NEGR1: variants seen among roughly 807,000 people sequenced by gnomAD.
The protein encoded by NEGR1 is neuronal growth regulator 1.
Under a neutral mutation model 40.9 loss-of-function variants are expected in NEGR1, and 10 were observed. That is an observed-to-expected ratio of 0.24 (90% CI 0.15 to 0.42). The LOEUF is 0.42. Among genes scored for constraint, NEGR1 ranks in the 10% least tolerant of loss-of-function variants. NEGR1 has a pLI of 1.00. For synonymous variants in NEGR1, 185 were observed against 166.8 expected (o/e 1.11, Z -0.84); for missense variants, 352 against 438.9 (o/e 0.80, Z 1.77).
intron 1 of NEGR1, among the ~76,000 whole-genome samples, chr1:72,105,181 T>C (rs1337984349): frequency 6.6e-6 from 1 of 152,148 alleles, no homozygotes; most frequent in African/African-American, 2.4e-5. Context: ...GCCAGAATCA[T>C]CTTTCTAAAA....
intron 3 of NEGR1, among the ~76,000 whole-genome samples, chr1:71,743,375 TA>T (rs1655277521): frequency 6.6e-6 from 1 of 151,754 alleles, no homozygotes; most frequent in African/African-American, 2.4e-5. Context: ...GGAAGATTTT[TA>T]TTTGGATAGC....
chr1:71,946,505 A>G (rs1646020225), intron 1 of NEGR1, among the ~76,000 whole-genome samples: 1 of 151,140 alleles, frequency 6.6e-6, no homozygotes, highest in African/African-American at 2.5e-5. Context: ...AATCGAATTA[A>G]GAGTGATGTG....
At chr1:71,503,205 A>G (rs1398232660) in intron 6 of NEGR1, among the ~76,000 whole-genome samples, 2 of 152,152 alleles carry the variant, frequency 1.3e-5, no homozygotes, top group African/African-American at 4.8e-5. Context: ...TTTTGGCCTA[A>G]GTTTGGCTCA....
chr1:71,534,672 G>A (rs1321369080), intron 6 of NEGR1, among the ~76,000 whole-genome samples: 1 of 151,646 alleles, frequency 6.6e-6, no homozygotes, highest in Non-Finnish European at 1.5e-5. Context: ...AACGATGTGA[G>A]AATTATTCCA....
intron 3 of NEGR1, among the ~76,000 whole-genome samples, chr1:71,744,659 GTA>G (rs1480966518): frequency 6.6e-6 from 1 of 152,004 alleles, no homozygotes; most frequent in Non-Finnish European, 1.5e-5. Flanking sequence ...ATGCATACAG[GTA>G]TGTAGACACC....
At chr1:72,240,787 C>A (rs947268119) in intron 1 of NEGR1, among the ~76,000 whole-genome samples, 1 of 151,838 alleles carries the variant, frequency 6.6e-6, no homozygotes, top group Non-Finnish European at 1.5e-5. Context: ...CCAGAGAGTT[C>A]TTTTCCAACA....
In NEGR1 at chr1:72,173,821, T is replaced by G. The variant is rs971583816; in HGVS notation, c.176+108498A>C. On this transcript the variant is annotated intron_variant, in intron 1 of 6. Transcript: ENST00000357731. ...AGCTGGACGTGGTGGCAGGCACCTG[T>G]CATCCCAGCTACTCAGGAGGTTGAG... 1.3e-5 allele frequency among the ~76,000 whole-genome samples: 2 copies of G among 152,104 alleles called. 1 individual carries two copies. The highest frequency in any genetic ancestry group is 2.9e-5 in the Non-Finnish European group (2 of 68,020).
At chr1:71,850,237 C>T (rs1237475483) in intron 2 of NEGR1, among the ~76,000 whole-genome samples, 1 of 152,104 alleles carries the variant, frequency 6.6e-6, no homozygotes, top group East Asian at 1.9e-4. Flanking sequence ...CTCACTGCAA[C>T]CTCCACCTTT....
chr1:71,973,083 C>T (rs902853520), intron 1 of NEGR1, among the ~76,000 whole-genome samples: 1 of 151,988 alleles, frequency 6.6e-6, no homozygotes, highest in Non-Finnish European at 1.5e-5. Flanking sequence ...ATAAGGCACT[C>T]AGTTAATATT....
At chr1:72,247,025 G>A (rs557358213) in intron 1 of NEGR1, among the ~76,000 whole-genome samples, 1 of 152,336 alleles carries the variant, frequency 6.6e-6, no homozygotes, top group East Asian at 1.9e-4. Flanking sequence ...GATAGAATGG[G>A]AATAGCCAGG....
chr1:72,185,163 T>G (rs1383663402), intron 1 of NEGR1, among the ~76,000 whole-genome samples: 1 of 151,954 alleles, frequency 6.6e-6, no homozygotes, highest in African/African-American at 2.4e-5. Context: ...TCTTCCTTCT[T>G]CTTCCTCAAT....
At chr1:71,793,657 T>A (rs1657212022) in intron 2 of NEGR1, among the ~76,000 whole-genome samples, 1 of 152,080 alleles carries the variant, frequency 6.6e-6, no homozygotes, top group South Asian at 2.1e-4. Flanking sequence ...ACAGAAAATT[T>A]TTAATTGCAA....
At chr1:71,758,243 T>C (rs1655809194) in intron 3 of NEGR1, among the ~76,000 whole-genome samples, 1 of 152,076 alleles carries the variant, frequency 6.6e-6, no homozygotes, top group Non-Finnish European at 1.5e-5. Context: ...TGTAACTTCT[T>C]TAGAAAATGA....
At chr1:71,896,657 T>C (rs939167980) in intron 2 of NEGR1, among the ~76,000 whole-genome samples, 4 of 152,214 alleles carry the variant, frequency 2.6e-5, no homozygotes, top group African/African-American at 9.6e-5. Flanking sequence ...TGTTTTCTTG[T>C]AACAGTTTTA....
At chr1:71,853,768 C>CT (rs1359784445) in intron 2 of NEGR1, among the ~76,000 whole-genome samples, 1 of 152,124 alleles carries the variant, frequency 6.6e-6, no homozygotes, top group Non-Finnish European at 1.5e-5. Context: ...CATAAAGTTT[C>CT]TGACATTTAT....
At chr1:72,102,130 A>G (rs1648972047) in intron 1 of NEGR1, among the ~76,000 whole-genome samples, 2 of 152,114 alleles carry the variant, frequency 1.3e-5, no homozygotes, top group East Asian at 1.9e-4. Context: ...AAGTTTCTCA[A>G]CAACTCTCAA....
At chr1:72,026,515 A>T (rs562275741) in intron 1 of NEGR1, among the ~76,000 whole-genome samples, 2 of 151,102 alleles carry the variant, frequency 1.3e-5, no homozygotes, top group Non-Finnish European at 2.9e-5. Flanking sequence ...TTGCTGTTGC[A>T]CGGTTCACAA....
chr1:71,614,540 G>T (rs1464063761), intron 4 of NEGR1, among the ~76,000 whole-genome samples: 2 of 151,992 alleles, frequency 1.3e-5, no homozygotes, highest in African/African-American at 4.8e-5. Context: ...TTTCACTATT[G>T]TTCTCATAGG....
intron 2 of NEGR1, among the ~76,000 whole-genome samples, chr1:71,872,397 C>T (rs912202946): frequency 1.3e-5 from 2 of 152,066 alleles, no homozygotes; most frequent in Non-Finnish European, 2.9e-5. Flanking sequence ...CTGTTCACCG[C>T]GTATTTCTGT....
Sources: gnomAD v4.1 joint callset for allele counts (sites outside exome capture counted in the v4.1 genomes callset) on GRCh38, gnomAD v4.1.1 for gene constraint, MANE v1.5 for transcripts, NCBI Gene and HGNC (gene_info 2026-07-23, HGNC 2026-07-21) for gene names.